DCHS1: variants seen among roughly 807,000 people sequenced by gnomAD.
DCHS1 encodes the protein dachsous cadherin-related 1.
A neutral mutation model predicts 213.9 loss-of-function variants in DCHS1; 78 were observed. That is an observed-to-expected ratio of 0.36 (90% confidence interval 0.30 to 0.44). DCHS1 has a LOEUF of 0.44. DCHS1 is among the 20% of genes least tolerant of loss of function. The probability of loss-of-function intolerance (pLI) is 1.00; values close to 1 mark genes in which losing one functional copy is unlikely to be tolerated. For synonymous variants in DCHS1, 1,828 were observed against 1,873.7 expected, an observed-to-expected ratio of 0.98 and a Z score of 0.63; for missense variants, 3,946 against 4,395.9, an observed-to-expected ratio of 0.90 and a Z score of 2.89.
intron 1 of DCHS1, among the ~76,000 whole-genome samples, chr11:6,649,410 G>A (rs1028996908): frequency 6.6e-6 from 1 of 151,854 alleles, no homozygotes; most frequent in Non-Finnish European, 1.5e-5. Flanking sequence ...GGAGCTCAAT[G>A]TTGAGACAAT....
chr11:6,647,007 G>C (rs959496461), intron 1 of DCHS1, among the ~76,000 whole-genome samples: 1 of 152,120 alleles, frequency 6.6e-6, no homozygotes, highest in Non-Finnish European at 1.5e-5. Context: ...CAGGCTGGGG[G>C]AGCTGGCACC....
At chr11:6,624,704 A>C in intron 20 of DCHS1, 26 bp downstream of exon 20, 1 of 1,613,708 alleles carries the variant, frequency 6.2e-7, no homozygotes, top group Middle Eastern at 1.6e-4. Context: ...GTCAAAGGCA[A>C]GGGGCAGATC....
At chr11:6,633,274 G>A in intron 5 of DCHS1, 138 bp downstream of exon 5, 1 of 1,033,512 alleles carries the variant, frequency 9.7e-7, no homozygotes, top group Non-Finnish European at 1.4e-6. Flanking sequence ...GCCTAAGGAG[G>A]TGTTGGGCAT....
rs144267622 is a variant in DCHS1, at chr11:6,621,526, TGAG to T, written c.*250_*252del. ...CTGGTGCAGGGCAGGGATCCCTCAC[TGAG>T]GAGAACCCAGGGCTGCTACCTCCTT... On this transcript the variant is annotated 3_prime_UTR_variant, in exon 21 of 21. Coordinates refer to ENST00000299441, the MANE Select transcript of DCHS1 (RefSeq NM_003737.4). The T allele has an allele frequency of 2.7e-3, 1,694 of 631,526 alleles. 35 individuals carry two copies. Among genetic ancestry groups the T allele is most frequent in the African/African-American group, 0.026 (1,448 of 55,828 alleles). 39.1% of individuals were successfully genotyped at this position (631,526 alleles called of 1,614,324 possible).
chr11:6,653,693 AG>A (rs1368897705), intron 1 of DCHS1, among the ~76,000 whole-genome samples: 1 of 152,158 alleles, frequency 6.6e-6, no homozygotes, highest in Non-Finnish European at 1.5e-5. Context: ...AAATCATTCT[AG>A]TTAGGGGCAA....
At position 6,625,392 on chromosome 11, in the gene DCHS1, G is replaced by T. The variant is rs763647132; in HGVS notation, c.6952C>A (p.Pro2318Thr). The T allele has an allele frequency of 6.2e-7, 1 of 1,611,734 alleles. No individual in the cohort carries two copies. Among genetic ancestry groups the T allele is most frequent in the South Asian group, 1.1e-5 (1 of 90,946 alleles). ...VLWYVLSPSG[P>T]QDPFSVGRYG... ...CGGCCAACACTGAAGGGATCCTGGGGCCCAGATGGGCTTAGCACATACCAC... is the reference window on the plus strand; with the variant it reads ...CGGCCAACACTGAAGGGATCCTGGGTCCCAGATGGGCTTAGCACATACCAC... The change falls in exon 19 of 21, where the codon CCC (proline) becomes ACC (threonine). Residue 2318 changes from proline to threonine, a missense_variant. This residue lies in a region of DCHS1 where 3,384 missense variants were observed against 3,780.1 expected (regional missense o/e 0.90). Coordinates refer to ENST00000299441, the MANE Select transcript of DCHS1 (RefSeq NM_003737.4). The surrounding 1 kb of genome is among the most constrained non-coding windows in gnomAD (Gnocchi z 5.3).
chr11:6,629,405 T>C (rs947244411), intron 12 of DCHS1, 47 bp downstream of exon 12: 1 of 1,602,432 alleles, frequency 6.2e-7, no homozygotes, highest in African/African-American at 1.3e-5. Context: ...GTAACACTGG[T>C]GTTTACAACA....
Position 6,628,655 on chromosome 11 carries a change from C to T in DCHS1, c.5337G>A (p.Val1779=). The part of the protein sequence containing the change: ...LTMLRASDPD[V]GANGQLQYRI... The stretch of plus-strand genomic sequence containing the variant: ...GGTACTGCAACTGCCCATTGGCTCC[C>T]ACATCTGGATCAGAGGCCCGAAGCA... Residue 1779 remains valine, a synonymous_variant, in exon 13 of 21, where the codon GTG becomes GTA. Transcript: ENST00000299441. This position sits in a 1 kb window ranked among gnomAD's most constrained non-coding sequence, Gnocchi z 4.3. The T allele has an allele frequency of 6.2e-7, 1 of 1,614,002 alleles. No individual in the cohort carries two copies. The highest frequency in any genetic ancestry group is 1.1e-5 in the South Asian group (1 of 91,088).
In DCHS1 at chr11:6,640,599, C is replaced by A; in HGVS notation, c.1015G>T (p.Ala339Ser). ...AAGGCCGAGCCCAGCTCAGGGTGAG[C>A]CCCACCATCTCGTGCTTGCACCACC... ...ELVVQARDGG[A>S]HPELGSAFVT... Residue 339 changes from alanine to serine, a missense_variant, in exon 2 of 21, where the codon GCT becomes TCT. This residue lies in a region of DCHS1 where 3,384 missense variants were observed against 3,780.1 expected (regional missense o/e 0.90). Transcript: ENST00000299441. This position sits in a 1 kb window ranked among gnomAD's most constrained non-coding sequence, Gnocchi z 6.5. 1 of 1,608,988 alleles carries A rather than the reference C, an allele frequency of 6.2e-7. No homozygotes were observed. Among genetic ancestry groups the A allele is most frequent in the Non-Finnish European group, 8.5e-7 (1 of 1,179,854 alleles).
In DCHS1 at chr11:6,654,991, A is replaced by AC. The variant is rs57743591; in HGVS notation, c.-121+571dup. On this transcript the variant is annotated intron_variant, in intron 1 of 20. Coordinates refer to ENST00000299441, the MANE Select transcript of DCHS1 (RefSeq NM_003737.4). Reference sequence around the variant, plus strand: ...CTCCCACTCAGAACACGTCTGGGTGACCCCCCCCTCCATCCACTTCAGGCT... The same window carrying AC: ...CTCCCACTCAGAACACGTCTGGGTGACCCCCCCCCTCCATCCACTTCAGGCT... 7.3e-4 allele frequency among the ~76,000 whole-genome samples: 109 copies of AC among 149,000 alleles called. 1 individual carries two copies. The highest frequency in any genetic ancestry group is 2.2e-3 in the African/African-American group (88 of 40,702).
Position 6,640,214 on chromosome 11 carries a change from T to A in DCHS1, c.1400A>T (p.Asp467Val). The change falls in exon 2 of 21, where the codon GAC (aspartate) becomes GTC (valine). Residue 467 changes from aspartate (D) to valine (V), a missense_variant. This residue lies in a region of DCHS1 where 3,384 missense variants were observed against 3,780.1 expected (regional missense o/e 0.90). Coordinates refer to ENST00000299441, the MANE Select transcript of DCHS1 (RefSeq NM_003737.4). The surrounding 1 kb of genome is among the most constrained non-coding windows in gnomAD (Gnocchi z 6.5). ...AFVLHVTDVN[D>V]NAPAFDRQLY... ...CTGGCGGTCAAAGGCAGGTGCATTG[T>A]CGTTGACATCAGTGACGTGCAGCAC... 6.2e-7 allele frequency: 1 copy of A among 1,613,284 alleles called. No individual in the cohort carries two copies. The highest frequency in any genetic ancestry group is 8.5e-7 in the Non-Finnish European group (1 of 1,179,608).
In DCHS1 at chr11:6,627,711, G is replaced by A. The variant is rs761790793; in HGVS notation, c.5372-44C>T. 1.3e-6 allele frequency: 2 copies of A among 1,572,462 alleles called. No homozygotes were observed. The highest frequency in any genetic ancestry group is 2.3e-5 in the South Asian group (2 of 86,560). On this transcript the variant is annotated intron_variant, in intron 13 of 20. Transcript: ENST00000299441. The surrounding 1 kb of genome is among the most constrained non-coding windows in gnomAD (Gnocchi z 5.4). Reference sequence around the variant, plus strand: ...ACATATAAATATACATGTGTCGTGGGGATGGGGGTGATTTACAGACAACAG... The same window carrying A: ...ACATATAAATATACATGTGTCGTGGAGATGGGGGTGATTTACAGACAACAG...
chr11:6,632,386 A>T lies in DCHS1; in HGVS notation c.3126T>A (p.Ser1042Arg). Reference protein sequence around the residue: ...ITYHLAAEGASSPFGLEPQSG... With the variant: ...ITYHLAAEGARSPFGLEPQSG... ...TCTGTGGCTCCAGGCCAAAGGGGCT[A>T]CTTGCTCCCTCTGCTGCAAGGTGAT... The change falls in exon 6 of 21, where the codon AGT (serine) becomes AGA (arginine). Residue 1042 changes from serine (S) to arginine (R), a missense_variant. By Grantham distance (110) the Ser-to-Arg change is moderately radical (BLOSUM62 -1). Coordinates refer to ENST00000299441, the MANE Select transcript of DCHS1 (RefSeq NM_003737.4). The surrounding 1 kb of genome is among the most constrained non-coding windows in gnomAD (Gnocchi z 5.9). 1 of 1,613,852 alleles carries T rather than the reference A, an allele frequency of 6.2e-7. No homozygotes were observed. Among genetic ancestry groups the T allele is most frequent in the Non-Finnish European group, 8.5e-7 (1 of 1,179,794 alleles).
In DCHS1 at chr11:6,632,068, A is replaced by G. The variant is rs1343789493; in HGVS notation, c.3444T>C (p.Ser1148=). 10 of 1,529,400 alleles carry G rather than the reference A, an allele frequency of 6.5e-6. No individual in the cohort carries two copies. Among genetic ancestry groups the G allele is most frequent in the Non-Finnish European group, 8.8e-6 (10 of 1,137,368 alleles). 94.7% of individuals were successfully genotyped at this position (1,529,400 alleles called of 1,614,324 possible). The change falls in exon 6 of 21, where the codon TCT becomes TCC. Residue 1148 remains serine (S), a synonymous_variant. Coordinates refer to ENST00000299441, the MANE Select transcript of DCHS1 (RefSeq NM_003737.4). This position sits in a 1 kb window ranked among gnomAD's most constrained non-coding sequence, Gnocchi z 5.9. ...GRLTYSLQQL[S]EDSKAFRIHP... Reference sequence around the variant, plus strand: ...GGATGCGGAAGGCCTTGCTGTCTTCAGACAGCTGTTGCAGGCTGTAGGTCA... The same window carrying G: ...GGATGCGGAAGGCCTTGCTGTCTTCGGACAGCTGTTGCAGGCTGTAGGTCA...
intron 5 of DCHS1, 34 bp from the exon 6 acceptor site, chr11:6,633,090 T>C (rs201657240): frequency 7.7e-6 from 12 of 1,566,186 alleles, no homozygotes; most frequent in Admixed American, 3.5e-5. Flanking sequence ...AGGAAAGAGA[T>C]GGAGGGGCAC....
rs781099697 is a variant in DCHS1 at position 6,630,491 on chromosome 11, C to A, written c.4303G>T (p.Ala1435Ser). The A allele has an allele frequency of 6.5e-7, 1 of 1,536,046 alleles. No homozygotes were observed. Among genetic ancestry groups the A allele is most frequent in the East Asian group, 2.5e-5 (1 of 40,188 alleles). Residue 1435 changes from alanine to serine, a missense_variant, in exon 10 of 21, where the codon GCC becomes TCC. Physicochemically the swap from Ala to Ser is moderately conservative, Grantham distance 99 (BLOSUM62 1). Transcript: ENST00000299441. ...QVQDENEHAPAFARDPLALAL... is the reference protein window; with the variant it reads ...QVQDENEHAPSFARDPLALAL... ...AGCGCCAGCGGGTCGCGCGCAAAGG[C>A]GGGCGCATGCTCATTCTCGTCCTGC...
chr11:6,622,861 C>A lies in DCHS1; in HGVS notation c.8815G>T (p.Gly2939Trp). The A allele has an allele frequency of 6.3e-7, 1 of 1,596,324 alleles. No homozygotes were observed. Among genetic ancestry groups the A allele is most frequent in the East Asian group, 2.3e-5 (1 of 43,800 alleles). The change falls in exon 21 of 21, where the codon GGG (glycine) becomes TGG (tryptophan). Residue 2939 changes from glycine (G) to tryptophan (W), a missense_variant. By Grantham distance (184) the Gly-to-Trp change is radical. Coordinates refer to ENST00000299441, the MANE Select transcript of DCHS1 (RefSeq NM_003737.4). The surrounding 1 kb of genome is among the most constrained non-coding windows in gnomAD (Gnocchi z 5.4). The part of the protein sequence containing the change: ...LAPDLNLLLV[G>W]AVAASLGVVV... The stretch of plus-strand genomic sequence containing the variant: ...ACTCCCAAGGAGGCTGCCACGGCCC[C>A]TACTAATAGCAGGTTGAGGTCAGGT...
At chr11:6,655,389 TGCCCCCACGCTCACGTTCAC>T (rs1856300116) in intron 1 of DCHS1, among the ~76,000 whole-genome samples, 154 bp downstream of exon 1, 1 of 144,916 alleles carries the variant, frequency 6.9e-6, no homozygotes, top group Non-Finnish European at 1.5e-5. Context: ...CCCCAGGCCC[TGCCCCCACGCTCACGTTCAC>T]GCCCGCCCGG....
chr11:6,639,171 T>A (rs1050733508), intron 2 of DCHS1, among the ~76,000 whole-genome samples: 11 of 152,112 alleles, frequency 7.2e-5, no homozygotes, highest in African/African-American at 2.4e-4. Flanking sequence ...AACTACTGCT[T>A]TGTGTTCAAG....
Sources: gnomAD v4.1 joint callset for allele counts (sites outside exome capture counted in the v4.1 genomes callset) on GRCh38, gnomAD v4.1.1 for gene constraint, gnomAD v4.1.1 regional missense constraint, Gnocchi (gnomAD v3.1) non-coding constraint, MANE v1.5 for transcripts, NCBI Gene and HGNC (gene_info 2026-07-23, HGNC 2026-07-21) for gene names.